Variants in ADGRV1 observed in about 807,000 individuals in gnomAD.
ADGRV1 encodes the protein G-protein coupled receptor 98.
ADGRV1 carries 359 observed loss-of-function variants against 596.2 expected under a neutral mutation model. That is an observed-to-expected ratio of 0.60 (90% CI 0.55 to 0.66). The LOEUF is 0.66. Ranked by LOEUF, ADGRV1 falls within the 30% of genes least tolerant of loss-of-function variation. The pLI is 0.00. For synonymous variants in ADGRV1, 2,681 were observed against 2,679.2 expected (o/e 1.00, Z -0.02); for missense variants, 7,274 against 7,575.6 (o/e 0.96, Z 1.48).
chr5:91,108,168 T>C (rs1792055123), intron 87 of ADGRV1, among the ~76,000 whole-genome samples: 1 of 152,284 alleles, frequency 6.6e-6, no homozygotes, highest in East Asian at 1.9e-4. Context: ...GAAAATATCC[T>C]TTCTCTGGAG....
intron 1 of ADGRV1, among the ~76,000 whole-genome samples, chr5:90,610,990 T>C (rs941454181): frequency 6.6e-6 from 1 of 151,814 alleles, no homozygotes; most frequent in East Asian, 1.9e-4. Context: ...TAAAGGAAAG[T>C]CTCCTAATTG....
intron 83 of ADGRV1, among the ~76,000 whole-genome samples, chr5:90,955,433 C>T (rs1777391827): frequency 1.3e-5 from 2 of 152,078 alleles, no homozygotes; most frequent in South Asian, 2.1e-4. Flanking sequence ...TTTGTTTATT[C>T]AAACATCCCA....
intron 83 of ADGRV1, among the ~76,000 whole-genome samples, chr5:90,888,164 C>T (rs1770476805): frequency 6.6e-6 from 1 of 152,114 alleles, no homozygotes; most frequent in South Asian, 2.1e-4. Context: ...TGTATGAGAT[C>T]TGTCATGTCA....
rs903648605 is a variant in ADGRV1, at chr5:90,778,680, A to G, written c.12849+71A>G. On this transcript the variant is annotated intron_variant, in intron 63 of 89. Coordinates refer to ENST00000405460, the MANE Select transcript of ADGRV1 (RefSeq NM_032119.4). ...GATATGAAAATGTTTTCTTGTTTCT[A>G]TTCCAGAGTTTTCATAAACTGATTA... The G allele has an allele frequency of 1.1e-5, 14 of 1,306,888 alleles. No individual in the cohort carries two copies. The African/African-American group carries it at 1.7e-4, about 15-fold the overall frequency. The allele number at this position is 1,306,888 out of a possible 1,614,324, so 81.0% of individuals were successfully genotyped here. A position where few individuals can be genotyped will look rare whatever the true frequency, so the allele number is the denominator to read the frequency against.
intron 83 of ADGRV1, among the ~76,000 whole-genome samples, chr5:90,948,753 A>G (rs1048698892): frequency 1.3e-5 from 2 of 152,170 alleles, no homozygotes; most frequent in Non-Finnish European, 2.9e-5. Flanking sequence ...CGCAAAGTCT[A>G]TTTTATAATA....
chr5:90,587,701 G>T (rs112511726), intron 1 of ADGRV1, among the ~76,000 whole-genome samples: 2,861 of 151,802 alleles, frequency 0.019, 79 homozygotes, highest in African/African-American at 0.065. Flanking sequence ...GATACTACAG[G>T]TGCGCGCCAC....
intron 83 of ADGRV1, among the ~76,000 whole-genome samples, chr5:90,909,720 G>C (rs6878896): frequency 0.29 from 43,447 of 151,966 alleles, 6,810 homozygotes; most frequent in Non-Finnish European, 0.35. Flanking sequence ...CTCTAGGCCA[G>C]TGACCTTCAA....
intron 57 of ADGRV1, 22 bp downstream of exon 57, chr5:90,757,183 T>G: frequency 6.2e-7 from 1 of 1,606,966 alleles, no homozygotes; most frequent in South Asian, 1.1e-5. Context: ...ATTAACATAT[T>G]AGCCTTTTTG....
chr5:90,582,766 C>T (rs771230757), intron 1 of ADGRV1, among the ~76,000 whole-genome samples: 17 of 152,254 alleles, frequency 1.1e-4, no homozygotes, highest in Non-Finnish European at 2.2e-4. Context: ...GATATGGGGT[C>T]TTTCTGTGTT....
intron 58 of ADGRV1, 82 bp from the exon 59 acceptor site, chr5:90,763,222 TA>T: frequency 8.7e-7 from 1 of 1,153,098 alleles, no homozygotes; most frequent in Non-Finnish European, 1.2e-6. Flanking sequence ...GCAGTCATTG[TA>T]AACAGAAATA....
chr5:90,730,198 A>C (rs1183442970), intron 50 of ADGRV1, among the ~76,000 whole-genome samples: 2 of 152,192 alleles, frequency 1.3e-5, no homozygotes, highest in Admixed American at 1.3e-4. Context: ...CAAGAGCTTT[A>C]CAATACTCCT....
intron 86 of ADGRV1, among the ~76,000 whole-genome samples, chr5:91,087,734 C>T (rs1415792378): frequency 6.6e-6 from 1 of 152,150 alleles, no homozygotes; most frequent in Non-Finnish European, 1.5e-5. Flanking sequence ...CCAATAAATC[C>T]TCACAATCCA....
chr5:90,604,964 T>G (rs1440421231), intron 1 of ADGRV1, among the ~76,000 whole-genome samples: 2 of 152,178 alleles, frequency 1.3e-5, no homozygotes. Context: ...AATTAAAGCT[T>G]CTCTACACTG....
rs556725940 is a variant in ADGRV1 at position 90,676,249 on chromosome 5, C to T, written c.5443+40C>T. 7.0e-5 allele frequency: 111 copies of T among 1,576,950 alleles called. No homozygotes were observed. The East Asian group carries it at 1.9e-3, about 28-fold the overall frequency. ...TCAAAAATGTTAAATATTTGCTTGT[C>T]TACCCATGCTGATGAAAGTAGATTC... On this transcript the variant is annotated intron_variant, in intron 25 of 89. Coordinates refer to ENST00000405460, the MANE Select transcript of ADGRV1 (RefSeq NM_032119.4).
At chr5:90,788,892 ACT>A (rs1342199941) in intron 68 of ADGRV1, among the ~76,000 whole-genome samples, 4 of 147,212 alleles carry the variant, frequency 2.7e-5, no homozygotes, top group Admixed American at 6.8e-5. Context: ...ACACACACAC[ACT>A]CACACACACA....
chr5:90,636,098 G>A (rs1306642571), intron 10 of ADGRV1, among the ~76,000 whole-genome samples: 1 of 151,942 alleles, frequency 6.6e-6, no homozygotes, highest in African/African-American at 2.4e-5. Flanking sequence ...TACAATATAT[G>A]TAAATTTTTG....
chr5:90,809,735 A>G (rs1384723836), intron 73 of ADGRV1, among the ~76,000 whole-genome samples: 2 of 152,228 alleles, frequency 1.3e-5, no homozygotes, highest in African/African-American at 4.8e-5. Context: ...TGATTCTATC[A>G]TGGGTGTCTG....
intron 86 of ADGRV1, among the ~76,000 whole-genome samples, chr5:91,100,848 A>G (rs1004067991): frequency 2.6e-5 from 4 of 152,198 alleles, no homozygotes; most frequent in African/African-American, 9.7e-5. Context: ...AACGGCTTAT[A>G]ATCTAAATCT....
chr5:90,881,873 C>T (rs1489982116), intron 83 of ADGRV1, among the ~76,000 whole-genome samples: 1 of 151,972 alleles, frequency 6.6e-6, no homozygotes, highest in African/African-American at 2.4e-5. Context: ...ACTATAGGCT[C>T]AACTTTTTTC....
Sources: allele counts gnomAD v4.1 joint callset (sites outside exome capture counted in the v4.1 genomes callset), GRCh38; gene constraint gnomAD v4.1.1; transcripts MANE v1.5; gene names NCBI Gene and HGNC (gene_info 2026-07-23, HGNC 2026-07-21).